Variants in ZCCHC7 observed in about 807,000 individuals in gnomAD.
The protein encoded by ZCCHC7 is zinc finger CCHC domain-containing protein 7.
Under a neutral mutation model 52.0 loss-of-function variants are expected in ZCCHC7, and 35 were observed. The observed-to-expected ratio is 0.67, with a 90% CI of 0.51 to 0.89. The LOEUF (loss-of-function observed/expected upper bound fraction) is 0.89. Ranked by LOEUF, ZCCHC7 falls within the 40% of genes least tolerant of loss-of-function variation. The probability of loss-of-function intolerance (pLI) is 0.00; values close to 1 mark genes in which losing one functional copy is unlikely to be tolerated. For synonymous variants in ZCCHC7, 217 were observed against 221.5 expected (o/e 0.98, Z 0.18); for missense variants, 574 against 649.1 (o/e 0.88, Z 1.26).
chr9:37,211,124 C>A (rs1433928694), intron 2 of ZCCHC7, among the ~76,000 whole-genome samples: 1 of 152,140 alleles, frequency 6.6e-6, no homozygotes, highest in Non-Finnish European at 1.5e-5. Flanking sequence ...TAAAGAATTT[C>A]CAGTAAGCTG....
Position 37,262,766 on chromosome 9 carries a change from C to T in ZCCHC7, c.611-39422C>T, listed in dbSNP as rs567038139. 2.6e-5 allele frequency among the ~76,000 whole-genome samples: 4 copies of T among 152,144 alleles called. No homozygotes were observed. The East Asian group carries it at 7.7e-4, about 29-fold the overall frequency. ...TCCTTACTTTTCATGTCTTAAAAGA[C>T]ATTGTTGACAGAAAAGATGGGTCAT... On this transcript the variant is annotated intron_variant, in intron 2 of 8. Transcript: ENST00000336755.
chr9:37,315,831 C>T (rs966957885), intron 5 of ZCCHC7, among the ~76,000 whole-genome samples: 2 of 109,118 alleles, frequency 1.8e-5, no homozygotes, highest in South Asian at 3.3e-4. Context: ...GAACTTTTAC[C>T]TATAGGTAAA....
chr9:37,268,363 A>T (rs1467971570), intron 2 of ZCCHC7, among the ~76,000 whole-genome samples: 1 of 151,674 alleles, frequency 6.6e-6, no homozygotes, highest in Non-Finnish European at 1.5e-5. Flanking sequence ...AAAGTAGTAA[A>T]CTTCAAAAGT....
intron 5 of ZCCHC7, among the ~76,000 whole-genome samples, chr9:37,306,928 C>T (rs1032907769): frequency 2.6e-5 from 4 of 151,306 alleles, no homozygotes; most frequent in South Asian, 2.1e-4. Context: ...GCTGGGATTA[C>T]AGGCGCCCAC....
intron 2 of ZCCHC7, among the ~76,000 whole-genome samples, chr9:37,287,509 C>T (rs1490356089): frequency 6.6e-6 from 1 of 152,016 alleles, no homozygotes; most frequent in African/African-American, 2.4e-5. Flanking sequence ...GTTCTGCAAA[C>T]GTTGGCCTAA....
intron 2 of ZCCHC7, among the ~76,000 whole-genome samples, chr9:37,169,642 T>C (rs1421762079): frequency 6.6e-6 from 1 of 152,226 alleles, no homozygotes; most frequent in Non-Finnish European, 1.5e-5. Flanking sequence ...TTAATTACTT[T>C]TATAACATGG....
chr9:37,354,810 A>C lies in ZCCHC7; in HGVS notation c.1184A>C (p.Lys395Thr), dbSNP rs538469251. 3.1e-6 allele frequency: 5 copies of C among 1,602,806 alleles called. No homozygotes were observed. The African/African-American group carries it at 6.7e-5, about 21-fold the overall frequency. The change falls in exon 8 of 9, where the codon AAA becomes ACA. Residue 395 changes from lysine to threonine, a missense_variant. Lys to Thr is a moderately conservative substitution (Grantham distance 78). Around this residue, in one of 3 missense-constraint regions of ZCCHC7, gnomAD observed 3 missense variants for 16.3 expected, o/e 0.18. Transcript: ENST00000336755. The surrounding 1 kb of genome is among the most constrained non-coding windows in gnomAD (Gnocchi z 4.0). ...YEIQEREKRL[K>T]QKIKVLKKNG... ...ATTCAGGAGAGAGAAAAGAGACTAAAACAAAAAATAAAAGGTATGTTGCTA... is the reference window on the plus strand; with the variant it reads ...ATTCAGGAGAGAGAAAAGAGACTAACACAAAAAATAAAAGGTATGTTGCTA...
intron 2 of ZCCHC7, among the ~76,000 whole-genome samples, chr9:37,131,937 T>A (rs1025655378): frequency 6.6e-6 from 1 of 152,240 alleles, no homozygotes; most frequent in Non-Finnish European, 1.5e-5. Context: ...CTATTACATA[T>A]GACTTTCAGC....
chr9:37,189,821 T>G (rs527882912), intron 2 of ZCCHC7, among the ~76,000 whole-genome samples: 1 of 152,338 alleles, frequency 6.6e-6, no homozygotes, highest in South Asian at 2.1e-4. Context: ...CTGTCCAGTG[T>G]GTGTGCCAAA....
At chr9:37,246,393 T>C (rs924409134) in intron 2 of ZCCHC7, among the ~76,000 whole-genome samples, 1 of 152,174 alleles carries the variant, frequency 6.6e-6, no homozygotes, top group Non-Finnish European at 1.5e-5. Flanking sequence ...CACAAGGGTC[T>C]TCAGGGCTCT....
At chr9:37,178,313 G>A (rs1822156034) in intron 2 of ZCCHC7, among the ~76,000 whole-genome samples, 1 of 150,302 alleles carries the variant, frequency 6.7e-6, no homozygotes, top group African/African-American at 2.5e-5. Flanking sequence ...ATTCGCCTTT[G>A]TAACTTAAAA....
chr9:37,320,443 C>T (rs1830005541), intron 5 of ZCCHC7, among the ~76,000 whole-genome samples: 2 of 152,096 alleles, frequency 1.3e-5, no homozygotes, highest in African/African-American at 4.8e-5. Flanking sequence ...CATGTAAATT[C>T]TAGAATCACC....
At chr9:37,233,303 A>C (rs1458729411) in intron 2 of ZCCHC7, among the ~76,000 whole-genome samples, 1 of 152,220 alleles carries the variant, frequency 6.6e-6, no homozygotes, top group Admixed American at 6.5e-5. Flanking sequence ...AATTAAAATA[A>C]TACCAAATGC....
At chr9:37,229,210 C>T (rs1200366232) in intron 2 of ZCCHC7, among the ~76,000 whole-genome samples, 1 of 151,884 alleles carries the variant, frequency 6.6e-6, no homozygotes, top group African/African-American at 2.4e-5. Context: ...ATAAATGGCT[C>T]AAAAAGCCAA....
chr9:37,337,120 A>T (rs182576140), intron 6 of ZCCHC7, among the ~76,000 whole-genome samples: 1 of 152,136 alleles, frequency 6.6e-6, no homozygotes, highest in African/African-American at 2.4e-5. Context: ...CTATTTCTTT[A>T]TTTCCCCTAA....
At chr9:37,356,808 A>G in intron 8 of ZCCHC7, 27 bp from the exon 9 acceptor site, 2 of 1,559,828 alleles carry the variant, frequency 1.3e-6, no homozygotes, top group Non-Finnish European at 1.7e-6. Context: ...GCTGCTGAAT[A>G]TGCAAAAATA....
At chr9:37,189,629 C>G (rs1161843683) in intron 2 of ZCCHC7, among the ~76,000 whole-genome samples, 2 of 152,040 alleles carry the variant, frequency 1.3e-5, no homozygotes, top group African/African-American at 4.8e-5. Flanking sequence ...CTCAGGTGAT[C>G]TGCCTGCCTT....
intron 2 of ZCCHC7, among the ~76,000 whole-genome samples, chr9:37,294,279 G>C (rs1024661116): frequency 6.6e-6 from 1 of 152,276 alleles, no homozygotes; most frequent in Non-Finnish European, 1.5e-5. Flanking sequence ...GTTGGGAATA[G>C]TAACTTCATC....
At chr9:37,171,588 TA>T (rs1821731250) in intron 2 of ZCCHC7, among the ~76,000 whole-genome samples, 1 of 152,138 alleles carries the variant, frequency 6.6e-6, no homozygotes, top group African/African-American at 2.4e-5. Context: ...CAGCTAATTT[TA>T]AAAAGTTTTT....
Sources: allele counts gnomAD v4.1 joint callset (sites outside exome capture counted in the v4.1 genomes callset), GRCh38; gene constraint gnomAD v4.1.1; regional missense constraint gnomAD v4.1.1; non-coding constraint Gnocchi (gnomAD v3.1); transcripts MANE v1.5; gene names NCBI Gene and HGNC (gene_info 2026-07-23, HGNC 2026-07-21).